Variants in GNG12 observed in about 807,000 individuals in gnomAD.
GNG12 encodes guanine nucleotide-binding protein G(I)/G(S)/G(O) subunit gamma-12.
For missense variants in GNG12, 69 were observed against 83.8 expected (o/e 0.82, Z 0.69); for synonymous variants, 28 against 29.7 (o/e 0.94, Z 0.19).
chr1:67,724,995 A>T (rs961428842), intron 2 of GNG12, among the ~76,000 whole-genome samples: 3 of 152,224 alleles, frequency 2.0e-5, no homozygotes, highest in African/African-American at 7.2e-5. Context: ...CACGTTAATT[A>T]TTATCTACAA....
intron 2 of GNG12, among the ~76,000 whole-genome samples, chr1:67,757,571 G>A (rs528879870): frequency 7.9e-5 from 12 of 152,282 alleles, no homozygotes; most frequent in African/African-American, 1.2e-4. Context: ...CCAAGCAGTA[G>A]GGCCAAAGGG....
In GNG12 at chr1:67,705,441, C is replaced by T. The variant is rs890675821; in HGVS notation, c.*10G>A. 5 of 1,613,146 alleles carry T rather than the reference C, an allele frequency of 3.1e-6. No individual in the cohort carries two copies. Among genetic ancestry groups the T allele is most frequent in the Non-Finnish European group, 4.2e-6 (5 of 1,179,686 alleles). ...GTTGGGAAGAGGCGAGGAGCTGTTTCTCTATTCCACTATAAGATGATGCAA... is the reference window on the plus strand; with the variant it reads ...GTTGGGAAGAGGCGAGGAGCTGTTTTTCTATTCCACTATAAGATGATGCAA... On this transcript the variant is annotated 3_prime_UTR_variant, in exon 4 of 4. Coordinates refer to ENST00000370982, the MANE Select transcript of GNG12 (RefSeq NM_018841.6).
At chr1:67,721,011 T>TA (rs1183866775) in intron 2 of GNG12, among the ~76,000 whole-genome samples, 1 of 152,216 alleles carries the variant, frequency 6.6e-6, no homozygotes, top group African/African-American at 2.4e-5. Context: ...GATACCTAGT[T>TA]AATAAGCTCC....
At chr1:67,715,930 G>A (rs964195987) in intron 2 of GNG12, among the ~76,000 whole-genome samples, 1 of 152,196 alleles carries the variant, frequency 6.6e-6, no homozygotes, top group South Asian at 2.1e-4. Flanking sequence ...TTGAAGGGAG[G>A]AAGGAGTTAA....
intron 2 of GNG12, among the ~76,000 whole-genome samples, chr1:67,766,437 G>C (rs1046120845): frequency 6.6e-6 from 1 of 152,140 alleles, no homozygotes; most frequent in Non-Finnish European, 1.5e-5. Context: ...GATGAGCAAA[G>C]CAGCCCAGCC....
intron 2 of GNG12, among the ~76,000 whole-genome samples, chr1:67,710,586 C>T (rs1646289350): frequency 6.6e-6 from 1 of 152,102 alleles, no homozygotes; most frequent in African/African-American, 2.4e-5. Context: ...TTATAAAATG[C>T]TCGGGTAGGT....
intron 1 of GNG12, among the ~76,000 whole-genome samples, chr1:67,792,800 C>T (rs775229461): frequency 1.3e-5 from 2 of 152,204 alleles, no homozygotes; most frequent in Non-Finnish European, 2.9e-5. Flanking sequence ...AAGACAACTC[C>T]TTGGAAGAGA....
intron 3 of GNG12, 121 bp downstream of exon 3, chr1:67,707,473 C>G (rs1476834028): frequency 4.2e-6 from 3 of 706,164 alleles, no homozygotes; most frequent in Admixed American, 2.6e-5. Flanking sequence ...TCAGCCTGTT[C>G]TGGAAAAATC....
chr1:67,828,401 G>A (rs112828799), intron 1 of GNG12, among the ~76,000 whole-genome samples: 1 of 152,248 alleles, frequency 6.6e-6, no homozygotes, highest in African/African-American at 2.4e-5. Context: ...CTCCATCTCC[G>A]TGCAGAGGGC....
chr1:67,797,424 CAGAAGCAAGAAG>C (rs1483966344), intron 1 of GNG12, among the ~76,000 whole-genome samples: 2 of 152,174 alleles, frequency 1.3e-5, no homozygotes, highest in African/African-American at 4.8e-5. Context: ...CAAGACCATT[CAGAAGCAAGAAG>C]TCCCATGGCT....
intron 2 of GNG12, among the ~76,000 whole-genome samples, chr1:67,750,493 T>C (rs1480352955): frequency 1.3e-5 from 2 of 152,206 alleles, no homozygotes; most frequent in African/African-American, 4.8e-5. Flanking sequence ...TTATTTCTTT[T>C]GTTTCACCCT....
chr1:67,721,389 GAA>G (rs1408890004), intron 2 of GNG12, among the ~76,000 whole-genome samples: 4 of 152,176 alleles, frequency 2.6e-5, no homozygotes, highest in African/African-American at 9.7e-5. Flanking sequence ...GAGCCCCTTA[GAA>G]ATGCAAATCC....
At chr1:67,800,771 A>G (rs577277555) in intron 1 of GNG12, among the ~76,000 whole-genome samples, 2 of 152,216 alleles carry the variant, frequency 1.3e-5, no homozygotes, top group Non-Finnish European at 2.9e-5. Flanking sequence ...TTTTTGTAAC[A>G]TCATTCCAAA....
At chr1:67,707,086 T>C (rs928866959) in intron 3 of GNG12, among the ~76,000 whole-genome samples, 2 of 152,208 alleles carry the variant, frequency 1.3e-5, no homozygotes, top group African/African-American at 2.4e-5. Flanking sequence ...CCAGTTTCTC[T>C]ATGGGATCTC....
intron 2 of GNG12, among the ~76,000 whole-genome samples, chr1:67,743,427 T>C (rs1570506032): frequency 6.6e-6 from 1 of 152,166 alleles, no homozygotes; most frequent in East Asian, 1.9e-4. Flanking sequence ...AGCATAAATG[T>C]CTCCATACAG....
intron 2 of GNG12, among the ~76,000 whole-genome samples, chr1:67,763,708 G>T (rs1570525404): frequency 6.6e-6 from 1 of 152,016 alleles, no homozygotes; most frequent in East Asian, 1.9e-4. Context: ...CCTTATTAGA[G>T]AATTTTAGGT....
chr1:67,823,525 C>A (rs1646995072), intron 1 of GNG12, among the ~76,000 whole-genome samples: 2 of 152,180 alleles, frequency 1.3e-5, no homozygotes, highest in African/African-American at 2.4e-5. Context: ...GAAAGGTCAA[C>A]AAATGCCCAC....
At chr1:67,752,623 G>A (rs550916678) in intron 2 of GNG12, among the ~76,000 whole-genome samples, 2 of 152,304 alleles carry the variant, frequency 1.3e-5, no homozygotes, top group South Asian at 2.1e-4. Flanking sequence ...GCCCAGACAT[G>A]AGCTAGTTAA....
chr1:67,725,198 G>T (rs890386110), intron 2 of GNG12, among the ~76,000 whole-genome samples: 2 of 152,144 alleles, frequency 1.3e-5, no homozygotes, highest in Non-Finnish European at 2.9e-5. Flanking sequence ...TTCCTTGGAG[G>T]TACGCATGAA....
Sources: gnomAD v4.1 joint callset for allele counts (sites outside exome capture counted in the v4.1 genomes callset) on GRCh38, gnomAD v4.1.1 for gene constraint, MANE v1.5 for transcripts, NCBI Gene and HGNC (gene_info 2026-07-23, HGNC 2026-07-21) for gene names.